The following MCUB variants were observed in gnomAD, a reference collection of about 807,000 sequenced individuals.
MCUB encodes the protein calcium uniporter regulatory subunit MCUb, mitochondrial.
MCUB carries 46 observed loss-of-function variants against 41.4 expected under a neutral mutation model. The observed-to-expected ratio is 1.11, with a 90% CI of 0.88 to 1.42. The LOEUF (loss-of-function observed/expected upper bound fraction) is 1.42. Among genes scored for constraint, MCUB ranks in the 40% most tolerant of loss-of-function variants. The pLI is 0.00. For missense variants in MCUB, 403 were observed against 404.9 expected (o/e 1.00, Z 0.04); for synonymous variants, 148 against 148.2 (o/e 1.00, Z 0.01).
chr4:109,604,017 A>G (rs1727812656), intron 1 of MCUB, among the ~76,000 whole-genome samples: 1 of 152,110 alleles, frequency 6.6e-6, no homozygotes, highest in Non-Finnish European at 1.5e-5. Context: ...TAGACATAGG[A>G]GACTCCATTT....
intron 1 of MCUB, among the ~76,000 whole-genome samples, chr4:109,633,430 G>A (rs780765974): frequency 9.8e-5 from 12 of 122,486 alleles, no homozygotes; most frequent in Non-Finnish European, 2.1e-4. Context: ...ACCACGCCCA[G>A]CTAATTTTTT....
In MCUB at chr4:109,560,392, ACCTGGCG is replaced by A; in HGVS notation, c.58_64del (p.Trp20GlnfsTer16). Reference sequence around the variant, plus strand: ...CACGCGGCTGCTGCCGACCCCTGGCACCTGGCGCCCAGCGCGCCCGTGGCCGCTGCCG... The same window carrying A: ...CACGCGGCTGCTGCCGACCCCTGGCACCCAGCGCGCCCGTGGCCGCTGCCG... On this transcript the variant is annotated frameshift_variant, in exon 1 of 8. Transcript: ENST00000394650. LOFTEE classifies it high-confidence loss of function. The A allele has an allele frequency of 7.5e-7, 1 of 1,327,048 alleles. No homozygotes were observed. Among genetic ancestry groups the A allele is most frequent in the Non-Finnish European group, 9.6e-7 (1 of 1,038,482 alleles). 82.2% of individuals were successfully genotyped at this position (1,327,048 alleles called of 1,614,324 possible).
chr4:109,663,336 A>T (rs1219591233), intron 3 of MCUB, among the ~76,000 whole-genome samples: 2 of 152,238 alleles, frequency 1.3e-5, no homozygotes, highest in African/African-American at 4.8e-5. Flanking sequence ...CCTGGATTAC[A>T]TTAAAGTTTG....
chr4:109,677,132 C>G (rs1729591481), intron 4 of MCUB, among the ~76,000 whole-genome samples: 1 of 152,228 alleles, frequency 6.6e-6, no homozygotes. Flanking sequence ...AAAGATTGTT[C>G]TGAAGTTTTA....
rs185976980 is a variant in MCUB at position 109,678,058 on chromosome 4, G to A, written c.452-4524G>A. Among the ~76,000 whole-genome samples, 637 of 152,010 alleles carry A rather than the reference G, an allele frequency of 4.2e-3. 7 individuals are homozygous for A. Among genetic ancestry groups the A allele is most frequent in the African/African-American group, 0.015 (620 of 41,434 alleles). ...TGCCTTCAGGCATCTGTTTAACAAAGCACATCTTGCACCGCCCTTAATCCA... is the reference window on the plus strand; with the variant it reads ...TGCCTTCAGGCATCTGTTTAACAAAACACATCTTGCACCGCCCTTAATCCA... On this transcript the variant is annotated intron_variant, in intron 4 of 7. Transcript: ENST00000394650.
intron 7 of MCUB, among the ~76,000 whole-genome samples, chr4:109,686,769 G>A (rs1033674543): frequency 2.6e-5 from 4 of 152,152 alleles, no homozygotes; most frequent in African/African-American, 9.7e-5. Context: ...CTAGCTACTT[G>A]GGAAGCTGAA....
At position 109,579,463 on chromosome 4, in the gene MCUB, T is replaced by C. The variant is rs1042400036; in HGVS notation, c.99+19027T>C. Among the ~76,000 whole-genome samples the C allele has an allele frequency of 3.0e-4, 46 of 152,082 alleles. 1 individual carries two copies. Among genetic ancestry groups the C allele is most frequent in the Non-Finnish European group, 4.4e-5 (3 of 68,006 alleles). On this transcript the variant is annotated intron_variant, in intron 1 of 7. Coordinates refer to ENST00000394650, the MANE Select transcript of MCUB (RefSeq NM_017918.5). ...CGGGGTTTCAACATGTTGGCCAAGATGGTCTCAATCTCTTGACCTTGTGAT... is the reference window on the plus strand; with the variant it reads ...CGGGGTTTCAACATGTTGGCCAAGACGGTCTCAATCTCTTGACCTTGTGAT...
chr4:109,678,028 T>C (rs972391433), intron 4 of MCUB, among the ~76,000 whole-genome samples: 8 of 151,760 alleles, frequency 5.3e-5, no homozygotes, highest in South Asian at 2.1e-4. Context: ...TCTTAACGAG[T>C]ATGCTGCCTT....
intron 1 of MCUB, among the ~76,000 whole-genome samples, chr4:109,603,132 G>A (rs951757451): frequency 4.6e-5 from 7 of 152,088 alleles, no homozygotes; most frequent in Admixed American, 2.0e-4. Flanking sequence ...CGCTCTCCGC[G>A]GTCTCCCTCT....
chr4:109,588,623 T>C (rs537101330), intron 1 of MCUB, among the ~76,000 whole-genome samples: 1 of 152,238 alleles, frequency 6.6e-6, no homozygotes, highest in African/African-American at 2.4e-5. Context: ...CCATCTGCTA[T>C]TTTATCTCTT....
chr4:109,670,236 C>T (rs1427836204), intron 4 of MCUB, among the ~76,000 whole-genome samples: 1 of 151,932 alleles, frequency 6.6e-6, no homozygotes, highest in Admixed American at 6.5e-5. Flanking sequence ...GCCTGTACCC[C>T]TGGACTTAGA....
intron 1 of MCUB, among the ~76,000 whole-genome samples, chr4:109,610,766 A>G (rs1263614202): frequency 6.6e-6 from 1 of 152,212 alleles, no homozygotes; most frequent in African/African-American, 2.4e-5. Flanking sequence ...GCTATATTGT[A>G]TAGCCTATTG....
At chr4:109,667,701 C>T (rs975679557) in intron 4 of MCUB, among the ~76,000 whole-genome samples, 4 of 150,070 alleles carry the variant, frequency 2.7e-5, no homozygotes, top group African/African-American at 7.3e-5. Context: ...GCTTGCTTTT[C>T]ATTTCATTTG....
rs529273197 is a variant in MCUB at position 109,612,878 on chromosome 4, G to A, written c.100-46133G>A. ...TCCCAGCACTTTGGGAGGCCAAGGC[G>A]GGCGGATCACAAGGTCAGGAGATCA... On this transcript the variant is annotated intron_variant, in intron 1 of 7. Transcript: ENST00000394650. 7.2e-5 allele frequency among the ~76,000 whole-genome samples: 11 copies of A among 152,258 alleles called. No homozygotes were observed. The South Asian group carries it at 1.2e-3, about 17-fold the overall frequency.
intron 1 of MCUB, among the ~76,000 whole-genome samples, chr4:109,614,765 T>G (rs1226220653): frequency 6.6e-6 from 1 of 151,854 alleles, no homozygotes; most frequent in Non-Finnish European, 1.5e-5. Context: ...AGCTCTAGAA[T>G]CAGACCAGAC....
At chr4:109,664,114 A>G (rs1729291293) in intron 3 of MCUB, among the ~76,000 whole-genome samples, 176 bp from the exon 4 acceptor site, 2 of 152,232 alleles carry the variant, frequency 1.3e-5, no homozygotes, top group Non-Finnish European at 2.9e-5. Context: ...AGGTAGAGCA[A>G]TAGAGGAGGA....
At chr4:109,630,673 C>G (rs530317934) in intron 1 of MCUB, among the ~76,000 whole-genome samples, 2 of 152,136 alleles carry the variant, frequency 1.3e-5, no homozygotes, top group Admixed American at 1.3e-4. Flanking sequence ...CCTCTGCCTC[C>G]TGGGTTCAAG....
At chr4:109,669,322 C>T (rs1435155989) in intron 4 of MCUB, among the ~76,000 whole-genome samples, 5 of 152,062 alleles carry the variant, frequency 3.3e-5, no homozygotes, top group Admixed American at 3.3e-4. Flanking sequence ...GTTTTTTTCT[C>T]GGAATGCTAA....
intron 1 of MCUB, among the ~76,000 whole-genome samples, chr4:109,646,967 G>A (rs868379328): frequency 6.6e-6 from 1 of 152,158 alleles, no homozygotes; most frequent in African/African-American, 2.4e-5. Context: ...TAGAACAAGA[G>A]CTGGCAAATA....
Sources: gnomAD v4.1 joint callset for allele counts (sites outside exome capture counted in the v4.1 genomes callset) on GRCh38, gnomAD v4.1.1 for gene constraint, MANE v1.5 for transcripts, NCBI Gene and HGNC (gene_info 2026-07-23, HGNC 2026-07-21) for gene names.